The following PTPRM variants were observed in gnomAD, a reference collection of about 807,000 sequenced individuals.
PTPRM encodes the protein protein tyrosine phosphatase receptor type M, also known as receptor-type tyrosine-protein phosphatase mu.
PTPRM carries 47 observed loss-of-function variants against 186.7 expected under a neutral mutation model. That is an observed-to-expected ratio of 0.25 (90% CI 0.20 to 0.32). The LOEUF is 0.32. Ranked by LOEUF, PTPRM falls within the 10% of genes least tolerant of loss-of-function variation. The pLI is 1.00. For synonymous variants in PTPRM, 668 were observed against 674.9 expected, an observed-to-expected ratio of 0.99 and a Z score of 0.16; for missense variants, 1,494 against 1,865.0, an observed-to-expected ratio of 0.80 and a Z score of 3.66.
intron 2 of PTPRM, among the ~76,000 whole-genome samples, chr18:7,780,311 A>G (rs1460643292): frequency 6.6e-6 from 1 of 152,204 alleles, no homozygotes; most frequent in African/African-American, 2.4e-5. Context: ...CAGAAAAGGA[A>G]TACTTTACCC....
intron 14 of PTPRM, among the ~76,000 whole-genome samples, chr18:8,233,814 A>C (rs2094314876): frequency 6.6e-6 from 1 of 151,946 alleles, no homozygotes; most frequent in African/African-American, 2.4e-5. Context: ...ATTTTGAGTT[A>C]ATTTTTGTGA....
chr18:8,354,758 C>T (rs542598315), intron 23 of PTPRM, among the ~76,000 whole-genome samples: 3 of 152,272 alleles, frequency 2.0e-5, no homozygotes, highest in African/African-American at 4.8e-5. Flanking sequence ...GTCTTTGGTA[C>T]GTACCAAGTT....
At chr18:7,813,061 G>A (rs1448875480) in intron 2 of PTPRM, among the ~76,000 whole-genome samples, 1 of 152,222 alleles carries the variant, frequency 6.6e-6, no homozygotes, top group African/African-American at 2.4e-5. Context: ...TGACTTACCT[G>A]TGTGCAGGTT....
rs536026970 is a variant in PTPRM, at chr18:7,740,697, GT to G, written c.74-33450del. Among the ~76,000 whole-genome samples the G allele has an allele frequency of 6.0e-4, 91 of 152,332 alleles. 1 individual carries two copies. Among genetic ancestry groups the G allele is most frequent in the African/African-American group, 2.0e-3 (85 of 41,578 alleles). On this transcript the variant is annotated intron_variant, in intron 1 of 32. Transcript: ENST00000580170. ...GGCCTCCCAAAATGTTGGAATTACAGTTGTGAGCTGTGGAGCCAGGCCACAG... is the reference window on the plus strand; with the variant it reads ...GGCCTCCCAAAATGTTGGAATTACAGTGTGAGCTGTGGAGCCAGGCCACAG...
chr18:7,966,033 T>C (rs183265840), intron 7 of PTPRM, among the ~76,000 whole-genome samples: 23 of 152,338 alleles, frequency 1.5e-4, no homozygotes, highest in African/African-American at 4.8e-4. Context: ...ATTGATAATA[T>C]GTCAAAATTT....
intron 14 of PTPRM, among the ~76,000 whole-genome samples, chr18:8,237,535 A>C (rs1785923173): frequency 6.9e-6 from 1 of 145,152 alleles, no homozygotes. Flanking sequence ...TGCAACCTCA[A>C]CCTCCCGGGT....
chr18:7,909,921 G>T (rs899743823), intron 4 of PTPRM, among the ~76,000 whole-genome samples: 5 of 152,070 alleles, frequency 3.3e-5, no homozygotes, highest in Admixed American at 6.6e-5. Flanking sequence ...GATAATTTTT[G>T]CATTTGATAT....
intron 1 of PTPRM, among the ~76,000 whole-genome samples, chr18:7,742,371 G>A (rs758485274): frequency 3.9e-5 from 6 of 152,002 alleles, no homozygotes; most frequent in Admixed American, 6.6e-5. Context: ...GATTTTCTTC[G>A]ATCTGATTGT....
intron 14 of PTPRM, among the ~76,000 whole-genome samples, chr18:8,144,270 C>G (rs2092830036): frequency 6.6e-6 from 1 of 152,118 alleles, no homozygotes; most frequent in Non-Finnish European, 1.5e-5. Flanking sequence ...CAAAAACAGC[C>G]CGACAGAAAA....
intron 2 of PTPRM, among the ~76,000 whole-genome samples, chr18:7,780,304 A>G (rs1392702236): frequency 6.6e-6 from 1 of 152,212 alleles, no homozygotes; most frequent in East Asian, 1.9e-4. Context: ...TGAAGTTCAG[A>G]AAAGGAATAC....
chr18:8,012,594 CAT>C (rs2084602549), intron 7 of PTPRM, among the ~76,000 whole-genome samples: 1 of 152,192 alleles, frequency 6.6e-6, no homozygotes, highest in Non-Finnish European at 1.5e-5. Context: ...AAGTCAATAA[CAT>C]GTGACTGTAC....
intron 2 of PTPRM, among the ~76,000 whole-genome samples, chr18:7,824,360 T>C (rs2045369043): frequency 6.6e-6 from 1 of 152,082 alleles, no homozygotes; most frequent in South Asian, 2.1e-4. Context: ...ATGAAACAAC[T>C]CCGTGGGGTC....
At chr18:8,100,181 C>T (rs1475288164) in intron 11 of PTPRM, among the ~76,000 whole-genome samples, 1 of 152,042 alleles carries the variant, frequency 6.6e-6, no homozygotes, top group African/African-American at 2.4e-5. Context: ...CTCTGTCACC[C>T]AGGCTGGAGG....
chr18:7,663,379 C>T (rs1414938647), intron 1 of PTPRM, among the ~76,000 whole-genome samples: 3 of 152,212 alleles, frequency 2.0e-5, no homozygotes, highest in African/African-American at 7.2e-5. Context: ...GTTCTAGGCA[C>T]TGGGAATACA....
chr18:7,952,550 G>A (rs952631203), intron 6 of PTPRM, among the ~76,000 whole-genome samples: 2 of 151,902 alleles, frequency 1.3e-5, no homozygotes, highest in South Asian at 4.1e-4. Context: ...TACAAAATTA[G>A]CCGGGCATGG....
At chr18:7,691,874 G>GT (rs1433860739) in intron 1 of PTPRM, among the ~76,000 whole-genome samples, 1 of 151,850 alleles carries the variant, frequency 6.6e-6, no homozygotes, top group Non-Finnish European at 1.5e-5. Context: ...GGTTAAGGAG[G>GT]TGGGAGGATG....
At chr18:8,273,384 G>C (rs2094795669) in intron 19 of PTPRM, among the ~76,000 whole-genome samples, 3 of 152,130 alleles carry the variant, frequency 2.0e-5, no homozygotes, top group Admixed American at 6.5e-5. Flanking sequence ...GCCCCTGACT[G>C]CTGGCTCATT....
At chr18:8,371,500 C>T (rs2148459283) in intron 24 of PTPRM, among the ~76,000 whole-genome samples, 1 of 152,260 alleles carries the variant, frequency 6.6e-6, no homozygotes, top group Middle Eastern at 3.4e-3. Context: ...ATGGATTTTC[C>T]AGGTGGAAGT....
intron 1 of PTPRM, among the ~76,000 whole-genome samples, chr18:7,737,083 C>T (rs1020945334): frequency 1.3e-5 from 2 of 152,058 alleles, no homozygotes; most frequent in African/African-American, 4.8e-5. Context: ...GGATTATAGG[C>T]GTGAGCCACC....
Sources: allele counts gnomAD v4.1 joint callset (sites outside exome capture counted in the v4.1 genomes callset), GRCh38; gene constraint gnomAD v4.1.1; transcripts MANE v1.5; gene names NCBI Gene and HGNC (gene_info 2026-07-23, HGNC 2026-07-21).